The following TLN2 variants were observed in gnomAD, a reference collection of about 807,000 sequenced individuals.
TLN2 encodes the protein talin 2, also known as talin-2.
In TLN2, 118 loss-of-function variants were observed where a neutral mutation model predicts 294.7. The observed-to-expected ratio is 0.40, with a 90% confidence interval of 0.34 to 0.47. The LOEUF (loss-of-function observed/expected upper bound fraction) is 0.47. TLN2 is among the 20% of genes least tolerant of loss of function. TLN2 has a pLI of 0.84. For synonymous variants in TLN2, 1,431 were observed against 1,304.5 expected (o/e 1.10, Z -2.09); for missense variants, 3,083 against 3,282.2 (o/e 0.94, Z 1.48).
chr15:62,715,870 C>T (rs919478172), intron 22 of TLN2, among the ~76,000 whole-genome samples: 1 of 152,192 alleles, frequency 6.6e-6, no homozygotes, highest in Non-Finnish European at 1.5e-5. Context: ...CCCCTCTTCC[C>T]TCTGTCCCCA....
intron 51 of TLN2, 123 bp from the exon 52 acceptor site, chr15:62,809,802 T>C (rs1390561346): frequency 9.9e-6 from 8 of 811,162 alleles, no homozygotes; most frequent in Non-Finnish European, 1.6e-5. Context: ...ATACCTCTTC[T>C]GTCCAGGGAG....
intron 22 of TLN2, among the ~76,000 whole-genome samples, chr15:62,712,820 A>G (rs1207388272): frequency 1.3e-5 from 2 of 152,206 alleles, no homozygotes; most frequent in Non-Finnish European, 2.9e-5. Context: ...TTAAATGAAT[A>G]AGGCTATATT....
chr15:62,674,592 GC>G (rs1413818220), intron 10 of TLN2, among the ~76,000 whole-genome samples: 4 of 139,658 alleles, frequency 2.9e-5, no homozygotes, highest in African/African-American at 1.0e-4. Context: ...ACCTCCCCCC[GC>G]CCTGTTCAAG....
intron 1 of TLN2, among the ~76,000 whole-genome samples, chr15:62,492,364 C>T (rs1464975462): frequency 6.6e-6 from 1 of 151,892 alleles, no homozygotes; most frequent in Non-Finnish European, 1.5e-5. Flanking sequence ...CGAGACCATC[C>T]TGGCTAACAC....
intron 1 of TLN2, among the ~76,000 whole-genome samples, chr15:62,581,766 G>T (rs1017793341): frequency 6.6e-6 from 1 of 152,086 alleles, no homozygotes; most frequent in Non-Finnish European, 1.5e-5. Flanking sequence ...ATAGTGGGCC[G>T]GGTGCGGTGG....
intron 40 of TLN2, 29 bp downstream of exon 40, chr15:62,763,724 G>A: frequency 6.4e-7 from 1 of 1,574,082 alleles, no homozygotes; most frequent in Non-Finnish European, 8.6e-7. Flanking sequence ...GGCCTGCTTA[G>A]TCGCCTCTAG....
chr15:62,521,483 T>G (rs1156977627), intron 1 of TLN2, among the ~76,000 whole-genome samples: 39 of 152,156 alleles, frequency 2.6e-4, no homozygotes, highest in Admixed American at 2.6e-3. Flanking sequence ...GGGGGCAAGT[T>G]ACAGGTCATA....
intron 1 of TLN2, among the ~76,000 whole-genome samples, chr15:62,424,509 T>G (rs938236472): frequency 8.5e-5 from 13 of 152,200 alleles, no homozygotes; most frequent in African/African-American, 3.1e-4. Flanking sequence ...CATCTCTTGC[T>G]TTCTCCTGGG....
At chr15:62,693,113 T>C (rs1412667759) in intron 13 of TLN2, among the ~76,000 whole-genome samples, 172 bp downstream of exon 13, 3 of 152,156 alleles carry the variant, frequency 2.0e-5, no homozygotes, top group East Asian at 1.9e-4. Flanking sequence ...GCAGATCACC[T>C]GAGGTCAGGT....
chr15:62,740,832 G>T (rs2061283452), intron 32 of TLN2, 63 bp downstream of exon 32: 5 of 1,598,368 alleles, frequency 3.1e-6, no homozygotes, highest in Non-Finnish European at 4.3e-6. Flanking sequence ...GTCTGAAGAT[G>T]TGCCTGACAT....
intron 12 of TLN2, among the ~76,000 whole-genome samples, chr15:62,687,334 C>T (rs977024588): frequency 6.6e-6 from 1 of 152,220 alleles, no homozygotes; most frequent in African/African-American, 2.4e-5. Context: ...TACCTTTCCT[C>T]TCTGAGCCTT....
chr15:62,760,417 G>GGT (rs2062589335), intron 37 of TLN2, among the ~76,000 whole-genome samples: 1 of 152,032 alleles, frequency 6.6e-6, no homozygotes, highest in African/African-American at 2.4e-5. Context: ...TGCTTTGCTT[G>GGT]GTAATGCCAG....
chr15:62,798,577 T>C (rs117313094), intron 48 of TLN2, among the ~76,000 whole-genome samples: 3,262 of 152,208 alleles, frequency 0.021, 65 homozygotes, highest in Admixed American at 0.035. Flanking sequence ...ACCTCTGTTC[T>C]CTCTGTTCCC....
chr15:62,609,667 G>A (rs1299679213), intron 2 of TLN2, among the ~76,000 whole-genome samples: 2 of 152,184 alleles, frequency 1.3e-5, no homozygotes, highest in African/African-American at 2.4e-5. Flanking sequence ...ACCGCATCAT[G>A]TGGTGCCCAA....
intron 54 of TLN2, chr15:62,830,172 G>A (rs999478441): frequency 6.6e-6 from 1 of 152,152 alleles, no homozygotes; most frequent in African/African-American, 2.4e-5. Flanking sequence ...ACCCAGAAGC[G>A]AGGATTCCGT....
intron 11 of TLN2, among the ~76,000 whole-genome samples, chr15:62,678,085 A>G (rs2056434352): frequency 1.3e-5 from 2 of 151,406 alleles, no homozygotes; most frequent in Non-Finnish European, 2.9e-5. Context: ...GTGAGCCACC[A>G]CCCCTGGCCA....
At position 62,819,605 on chromosome 15, in the gene TLN2, G is replaced by A. The variant is rs764604760; in HGVS notation, c.6861G>A (p.Ala2287=). The change falls in exon 53 of 59, where the codon GCG becomes GCA. Residue 2287 remains alanine (A), a synonymous_variant. Transcript: ENST00000636159. The stretch of plus-strand genomic sequence containing the variant: ...GCGCTGTGACAGAGCTCATCCAGGC[G>A]GCGGAAGCCATGAAAGGTAGGCTGG... ...VAGAVTELIQ[A]AEAMKGTEWV... is the part of the protein sequence containing the mutation. The A allele has an allele frequency of 2.0e-5, 32 of 1,611,072 alleles. No individual in the cohort carries two copies. The South Asian group carries it at 2.9e-4, about 14-fold the overall frequency.
intron 42 of TLN2, among the ~76,000 whole-genome samples, chr15:62,775,666 T>C (rs2063671286): frequency 6.6e-6 from 1 of 152,242 alleles, no homozygotes; most frequent in African/African-American, 2.4e-5. Flanking sequence ...CGAGTTCTCG[T>C]TTACTGCTTT....
chr15:62,436,147 C>G (rs775312361), intron 1 of TLN2, among the ~76,000 whole-genome samples: 2 of 152,188 alleles, frequency 1.3e-5, no homozygotes, highest in Non-Finnish European at 2.9e-5. Flanking sequence ...ACCTGCAGTT[C>G]TAATTCAGTT....
Sources: gnomAD v4.1 joint callset for allele counts (sites outside exome capture counted in the v4.1 genomes callset) on GRCh38, gnomAD v4.1.1 for gene constraint, MANE v1.5 for transcripts, NCBI Gene and HGNC (gene_info 2026-07-23, HGNC 2026-07-21) for gene names.